FBXO48: variants seen among roughly 807,000 people sequenced by gnomAD.
The protein encoded by FBXO48 is F-box only protein 48.
In FBXO48, 12 loss-of-function variants were observed where a neutral mutation model predicts 14.3. The ratio of observed to expected loss-of-function variants is 0.84; its 90% CI spans 0.54 to 1.36. FBXO48 has a LOEUF of 1.36. FBXO48 is among the 40% of genes most tolerant of loss of function. The pLI is 0.00. For synonymous variants in FBXO48, 53 were observed against 61.7 expected (o/e 0.86, Z 0.66); for missense variants, 177 against 179.1 (o/e 0.99, Z 0.07).
rs973083256 is a variant in FBXO48, at chr2:68,465,522, TA to T, written c.-33-345del. On this transcript the variant is annotated intron_variant, in intron 2 of 3. Transcript: ENST00000377957. ...TGACTCAGCGTACCCCGCCCCTCTT[TA>T]AAAAAAAAAAAAAGAAAAAAAAAAA... 2.5e-3 allele frequency among the ~76,000 whole-genome samples: 279 copies of T among 111,464 alleles called. 1 individual carries two copies. The highest frequency in any genetic ancestry group is 4.7e-3 in the Middle Eastern group (1 of 214). The allele number at this position is 111,464 out of a possible 152,430, so 73.1% of individuals were successfully genotyped here. A position where few individuals can be genotyped will look rare whatever the true frequency, so the allele number is the denominator to read the frequency against.
intron 2 of FBXO48, 106 bp from the exon 3 acceptor site, chr2:68,465,284 G>A: frequency 1.5e-6 from 1 of 648,766 alleles, no homozygotes; most frequent in Non-Finnish European, 2.6e-6. Context: ...CTTGACTTTA[G>A]CTTCTCAATC....
At chr2:68,465,460 C>T (rs964860932) in intron 2 of FBXO48, among the ~76,000 whole-genome samples, 3 of 150,470 alleles carry the variant, frequency 2.0e-5, no homozygotes, top group African/African-American at 7.4e-5. Flanking sequence ...CATAATAGCT[C>T]ACTGCAGCCT....
rs1222014141 is a variant in FBXO48, at chr2:68,459,632, TTC to T, written c.*4575_*4576del. On this transcript the variant is annotated 3_prime_UTR_variant, in exon 4 of 4. Transcript: ENST00000377957. Reference sequence around the variant, plus strand: ...CAATATAGTAAATTATTTTTATACATTCTGTGTAGGATTAAAATAAATAACTA... The same window carrying T: ...CAATATAGTAAATTATTTTTATACATTGTGTAGGATTAAAATAAATAACTA... 1 of 152,174 alleles carries T rather than the reference TTC, an allele frequency of 6.6e-6. No individual in the cohort carries two copies. The highest frequency in any genetic ancestry group is 1.9e-4 in the East Asian group (1 of 5,204). 9.4% of individuals were successfully genotyped at this position (152,174 alleles called of 1,614,324 possible).
At chr2:68,465,506 G>A (rs983223817) in intron 2 of FBXO48, among the ~76,000 whole-genome samples, 5 of 143,966 alleles carry the variant, frequency 3.5e-5, no homozygotes, top group East Asian at 2.0e-4. Flanking sequence ...TTGACTCAGC[G>A]TACCCCGCCC....
rs1195021247 is a variant in FBXO48, at chr2:68,464,311, T to C, written c.366A>G (p.Arg122=). Residue 122 remains arginine, a synonymous_variant, in exon 4 of 4, where the codon AGA becomes AGG. Coordinates refer to ENST00000377957, the MANE Select transcript of FBXO48 (RefSeq NM_001024680.3). ...TAATGGGAGAACAAATGTTGCTGTATCTGCCACTTAGCCATTCGTGTTTCA... is the reference window on the plus strand; with the variant it reads ...TAATGGGAGAACAAATGTTGCTGTACCTGCCACTTAGCCATTCGTGTTTCA... ...SKVKHEWLSG[R]YSNICSPISL... The C allele has an allele frequency of 6.2e-6, 10 of 1,613,850 alleles. No homozygotes were observed. The highest frequency in any genetic ancestry group is 1.6e-4 in the Middle Eastern group (1 of 6,080).
At chr2:68,464,442 G>A (rs1022115320) in intron 3 of FBXO48, 72 bp from the exon 4 acceptor site, 51 of 1,353,196 alleles carry the variant, frequency 3.8e-5, no homozygotes, top group Non-Finnish European at 5.3e-5. Flanking sequence ...TAAAGCAAGA[G>A]AAGCAGATTG....
chr2:68,464,901 G>C lies in FBXO48; in HGVS notation c.245C>G (p.Thr82Ser), dbSNP rs1199454179. Residue 82 changes from threonine to serine, a missense_variant, in exon 3 of 4, where the codon ACT becomes AGT. Coordinates refer to ENST00000377957, the MANE Select transcript of FBXO48 (RefSeq NM_001024680.3). Reference protein sequence around the residue: ...SDSLWKPHCMTVRAVCRREID... With the variant: ...SDSLWKPHCMSVRAVCRREID... ...TTCTCTTCGGCACACAGCTCTTACA[G>C]TCATGCAGTGAGGTTTCCATAAAGA... is the stretch of plus-strand genomic sequence containing the variant. 1.9e-6 allele frequency: 3 copies of C among 1,613,780 alleles called. No individual in the cohort carries two copies. Among genetic ancestry groups the C allele is most frequent in the Non-Finnish European group, 1.7e-6 (2 of 1,179,980 alleles).
In FBXO48 at chr2:68,463,823, A is replaced by G. The variant is rs1199794759; in HGVS notation, c.*386T>C. ...TCTTCCCATGAGCCTAGTTATAACC[A>G]CCACTTAATGAATCTTTAAGTCAGT... On this transcript the variant is annotated 3_prime_UTR_variant, in exon 4 of 4. Transcript: ENST00000377957. The G allele has an allele frequency of 6.2e-6, 1 of 161,226 alleles. No individual in the cohort carries two copies. Among genetic ancestry groups the G allele is most frequent in the Non-Finnish European group, 1.4e-5 (1 of 73,056 alleles). 10.0% of individuals were successfully genotyped at this position (161,226 alleles called of 1,614,324 possible). A position where few individuals can be genotyped will look rare whatever the true frequency, so the allele number is the denominator to read the frequency against.
intron 3 of FBXO48, 147 bp from the exon 4 acceptor site, chr2:68,464,517 G>T: frequency 2.9e-6 from 2 of 686,634 alleles, no homozygotes; most frequent in Non-Finnish European, 4.9e-6. Context: ...ATGTGTCTGT[G>T]TACGTGTGTG....
chr2:68,461,269 A>G lies in FBXO48; in HGVS notation c.*2940T>C, dbSNP rs1675254429. On this transcript the variant is annotated 3_prime_UTR_variant, in exon 4 of 4. Coordinates refer to ENST00000377957, the MANE Select transcript of FBXO48 (RefSeq NM_001024680.3). ...CTGGTGGCTCCACATTCTCTTACTT[A>G]AGATCCGTTTTCGTTTTCTTTTTTT... 1 of 150,902 alleles carries G rather than the reference A, an allele frequency of 6.6e-6. No individual in the cohort carries two copies. The highest frequency in any genetic ancestry group is 6.6e-5 in the Admixed American group (1 of 15,194). 9.3% of individuals were successfully genotyped at this position (150,902 alleles called of 1,614,324 possible).
chr2:68,462,394 G>A lies in FBXO48; in HGVS notation c.*1815C>T, dbSNP rs1422970060. 6.6e-6 allele frequency: 1 copy of A among 151,718 alleles called. No homozygotes were observed. The highest frequency in any genetic ancestry group is 1.9e-4 in the East Asian group (1 of 5,166). 9.4% of individuals were successfully genotyped at this position (151,718 alleles called of 1,614,324 possible). A position where few individuals can be genotyped will look rare whatever the true frequency, so the allele number is the denominator to read the frequency against. On this transcript the variant is annotated 3_prime_UTR_variant, in exon 4 of 4. Coordinates refer to ENST00000377957, the MANE Select transcript of FBXO48 (RefSeq NM_001024680.3). ...TTTTTTGAGACGAAGTTTCACTCTT[G>A]TTGCCCAGGCTGGAGCGCAGTGGCG... is the stretch of plus-strand genomic sequence containing the variant.
At chr2:68,465,787 TTG>T (rs1014708203) in intron 2 of FBXO48, among the ~76,000 whole-genome samples, 2 of 152,202 alleles carry the variant, frequency 1.3e-5, no homozygotes, top group African/African-American at 4.8e-5. Flanking sequence ...AATTTGCAAT[TTG>T]TGACTTAATC....
In FBXO48 at chr2:68,462,870, C is replaced by T. The variant is rs1675303320; in HGVS notation, c.*1339G>A. ...AAGGCAAACGTTACAGAGAGGTGGT[C>T]TTCAGTGCAAGCCTAGACTACAACT... On this transcript the variant is annotated 3_prime_UTR_variant, in exon 4 of 4. Transcript: ENST00000377957. 1 of 152,372 alleles carries T rather than the reference C, an allele frequency of 6.6e-6. No individual in the cohort carries two copies. The highest frequency in any genetic ancestry group is 6.5e-5 in the Admixed American group (1 of 15,304). 9.4% of individuals were successfully genotyped at this position (152,372 alleles called of 1,614,324 possible).
At position 68,463,818 on chromosome 2, in the gene FBXO48, T is replaced by A. The variant is rs1675325119; in HGVS notation, c.*391A>T. The A allele has an allele frequency of 6.2e-6, 1 of 161,292 alleles. No individual in the cohort carries two copies. Among genetic ancestry groups the A allele is most frequent in the Admixed American group, 6.1e-5 (1 of 16,526 alleles). 10.0% of individuals were successfully genotyped at this position (161,292 alleles called of 1,614,324 possible). On this transcript the variant is annotated 3_prime_UTR_variant, in exon 4 of 4. Coordinates refer to ENST00000377957, the MANE Select transcript of FBXO48 (RefSeq NM_001024680.3). ...GCTAGTCTTCCCATGAGCCTAGTTA[T>A]AACCACCACTTAATGAATCTTTAAG...
In FBXO48 at chr2:68,461,320, C is replaced by A. The variant is rs1402563851; in HGVS notation, c.*2889G>T. The A allele has an allele frequency of 1.5e-5, 2 of 129,070 alleles. No homozygotes were observed. The highest frequency in any genetic ancestry group is 3.1e-5 in the Non-Finnish European group (2 of 64,928). 8.0% of individuals were successfully genotyped at this position (129,070 alleles called of 1,614,324 possible). A position where few individuals can be genotyped will look rare whatever the true frequency, so the allele number is the denominator to read the frequency against. On this transcript the variant is annotated 3_prime_UTR_variant, in exon 4 of 4. Transcript: ENST00000377957. ...TTTTTTTTTTTTTGAGACGGAGTCT[C>A]GCTCTGTCGCCCAGGCCGGACTGCG...
In FBXO48 at chr2:68,463,346, G is replaced by T. The variant is rs893812866; in HGVS notation, c.*863C>A. 2 of 151,884 alleles carry T rather than the reference G, an allele frequency of 1.3e-5. No homozygotes were observed. Among genetic ancestry groups the T allele is most frequent in the Non-Finnish European group, 2.9e-5 (2 of 67,956 alleles). The allele number at this position is 151,884 out of a possible 1,614,324, so 9.4% of individuals were successfully genotyped here. A position where few individuals can be genotyped will look rare whatever the true frequency, so the allele number is the denominator to read the frequency against. On this transcript the variant is annotated 3_prime_UTR_variant, in exon 4 of 4. Transcript: ENST00000377957. The stretch of plus-strand genomic sequence containing the variant: ...AAAGTTTTTAAAAGTTAAAATAAAG[G>T]TTCCTAAAAAGTTATAAACTTTAAC...
Position 68,460,622 on chromosome 2 carries a change from A to T in FBXO48, c.*3587T>A, listed in dbSNP as rs996766125. The T allele has an allele frequency of 6.6e-6, 1 of 152,038 alleles. No individual in the cohort carries two copies. The highest frequency in any genetic ancestry group is 2.4e-5 in the African/African-American group (1 of 41,410). The allele number at this position is 152,038 out of a possible 1,614,324, so 9.4% of individuals were successfully genotyped here. On this transcript the variant is annotated 3_prime_UTR_variant, in exon 4 of 4. Coordinates refer to ENST00000377957, the MANE Select transcript of FBXO48 (RefSeq NM_001024680.3). ...TGTATTTCTGGAACATCTCATGGAG[A>T]TCTGATGTTGGGACACGGACATAGA... is the stretch of plus-strand genomic sequence containing the variant.
In FBXO48 at chr2:68,463,965, C is replaced by T. The variant is rs981212294; in HGVS notation, c.*244G>A. On this transcript the variant is annotated 3_prime_UTR_variant, in exon 4 of 4. Coordinates refer to ENST00000377957, the MANE Select transcript of FBXO48 (RefSeq NM_001024680.3). Reference sequence around the variant, plus strand: ...CATGAAACATTGTATTTGGAAATCACTCTATCAGTATATTATTTCTTATAA... The same window carrying T: ...CATGAAACATTGTATTTGGAAATCATTCTATCAGTATATTATTTCTTATAA... The T allele has an allele frequency of 1.4e-5, 5 of 357,338 alleles. No homozygotes were observed. The highest frequency in any genetic ancestry group is 2.1e-5 in the Non-Finnish European group (4 of 193,322). 22.1% of individuals were successfully genotyped at this position (357,338 alleles called of 1,614,324 possible). A position where few individuals can be genotyped will look rare whatever the true frequency, so the allele number is the denominator to read the frequency against.
rs1444335916 is a variant in FBXO48 at position 68,466,412 on chromosome 2, T to C, written c.-302A>G. Reference sequence around the variant, plus strand: ...CTTGCCAAGACCACGGTGGCTCCCATTCATGATCCAGATTAGCTGTGGTGG... The same window carrying C: ...CTTGCCAAGACCACGGTGGCTCCCACTCATGATCCAGATTAGCTGTGGTGG... On this transcript the variant is annotated 5_prime_UTR_variant, in exon 2 of 4. It removes an upstream start codon present in the reference 5' UTR. Coordinates refer to ENST00000377957, the MANE Select transcript of FBXO48 (RefSeq NM_001024680.3). The C allele has an allele frequency of 1.3e-5, 2 of 152,224 alleles. No homozygotes were observed. Among genetic ancestry groups the C allele is most frequent in the Non-Finnish European group, 2.9e-5 (2 of 68,068 alleles). 9.4% of individuals were successfully genotyped at this position (152,224 alleles called of 1,614,324 possible). A position where few individuals can be genotyped will look rare whatever the true frequency, so the allele number is the denominator to read the frequency against.
Sources: gnomAD v4.1 joint callset for allele counts (sites outside exome capture counted in the v4.1 genomes callset) on GRCh38, gnomAD v4.1.1 for gene constraint, MANE v1.5 for transcripts, NCBI Gene and HGNC (gene_info 2026-07-23, HGNC 2026-07-21) for gene names.